The following EYS variants were observed in gnomAD, a reference collection of about 807,000 sequenced individuals.
The protein encoded by EYS is EGF-like photoreceptor maintenance factor.
In EYS, 250 loss-of-function variants were observed where a neutral mutation model predicts 282.1. That is an observed-to-expected ratio of 0.89 (90% CI 0.80 to 0.98). The LOEUF is 0.98. Ranked by LOEUF, EYS falls within the 50% of genes least tolerant of loss-of-function variation. The probability of loss-of-function intolerance (pLI) is 0.00; values close to 1 mark genes in which losing one functional copy is unlikely to be tolerated. For missense variants in EYS, 4,016 were observed against 3,709.0 expected (o/e 1.08, Z -2.15); for synonymous variants, 1,355 against 1,282.9 (o/e 1.06, Z -1.20).
At chr6:64,313,382 G>T (rs1319290276) in intron 29 of EYS, among the ~76,000 whole-genome samples, 1 of 148,096 alleles carries the variant, frequency 6.8e-6, no homozygotes, top group Non-Finnish European at 1.5e-5. Context: ...GTGGGACTAT[G>T]TGAAAATACC....
chr6:65,077,444 T>C (rs368117851), intron 12 of EYS, among the ~76,000 whole-genome samples: 7 of 152,250 alleles, frequency 4.6e-5, no homozygotes, highest in African/African-American at 1.7e-4. Context: ...GAAAACGCTC[T>C]AGGTTTATAA....
chr6:63,893,573 TTGG>T (rs1330854827), intron 35 of EYS, among the ~76,000 whole-genome samples: 8 of 152,026 alleles, frequency 5.3e-5, no homozygotes, highest in Non-Finnish European at 5.9e-5. Context: ...CCAGGGCCTG[TTGG>T]TGGTTGGGGG....
At chr6:64,496,054 T>C (rs891775933) in intron 26 of EYS, among the ~76,000 whole-genome samples, 1 of 151,916 alleles carries the variant, frequency 6.6e-6, no homozygotes. Flanking sequence ...TACTCATTTA[T>C]TTAACACTCA....
intron 2 of EYS, among the ~76,000 whole-genome samples, chr6:65,569,617 G>A (rs563188693): frequency 6.6e-6 from 1 of 152,162 alleles, no homozygotes; most frequent in South Asian, 2.1e-4. Context: ...ATATTCTTCA[G>A]ACTCTGCACT....
In EYS at chr6:64,619,544, T is replaced by C. The variant is rs1343472234; in HGVS notation, c.3569-2011A>G. Among the ~76,000 whole-genome samples the C allele has an allele frequency of 3.3e-5, 5 of 152,216 alleles. No individual in the cohort carries two copies. The East Asian group carries it at 7.7e-4, about 23-fold the overall frequency. On this transcript the variant is annotated intron_variant, in intron 23 of 42. Coordinates refer to ENST00000503581, the MANE Select transcript of EYS (RefSeq NM_001142800.2). ...ATTTGGTCAATTTCAATAGGCCACC[T>C]GTACTTGCTGTCTCTTACTGAAGTT...
rs189686034 is a variant in EYS at position 65,407,287 on chromosome 6, G to A, written c.863-1920C>T. ...ATTTATTTTTTTCAGTCATAGTCTC[G>A]CTGTGTTGCCCAGGCTGGAGTGCAG... On this transcript the variant is annotated intron_variant, in intron 5 of 42. Transcript: ENST00000503581. 3.0e-3 allele frequency among the ~76,000 whole-genome samples: 450 copies of A among 151,622 alleles called. 4 individuals carry two copies. The highest frequency in any genetic ancestry group is 0.01 in the African/African-American group (427 of 41,378).
intron 2 of EYS, among the ~76,000 whole-genome samples, chr6:65,497,341 C>A (rs1468645434): frequency 6.6e-6 from 1 of 151,974 alleles, no homozygotes; most frequent in Non-Finnish European, 1.5e-5. Context: ...AGACATGTAG[C>A]AAGGACATTT....
At chr6:63,767,715 A>G (rs1330973562) in intron 40 of EYS, among the ~76,000 whole-genome samples, 1 of 152,152 alleles carries the variant, frequency 6.6e-6, no homozygotes, top group Non-Finnish European at 1.5e-5. Context: ...TTTTCACAGA[A>G]TTAAAATATT....
intron 16 of EYS, among the ~76,000 whole-genome samples, chr6:64,908,558 C>G (rs1767901359): frequency 6.6e-6 from 1 of 151,768 alleles, no homozygotes; most frequent in Non-Finnish European, 1.5e-5. Context: ...TGAGGTCATG[C>G]AGATGATTGA....
At chr6:64,231,292 C>T (rs1021748755) in intron 30 of EYS, among the ~76,000 whole-genome samples, 4 of 151,968 alleles carry the variant, frequency 2.6e-5, no homozygotes, top group African/African-American at 4.8e-5. Context: ...ATAAATATTC[C>T]CTAATTTTTT....
intron 1 of EYS, among the ~76,000 whole-genome samples, chr6:65,694,744 A>C (rs1165951590): frequency 7.1e-6 from 1 of 141,670 alleles, no homozygotes; most frequent in Non-Finnish European, 1.6e-5. Flanking sequence ...TGTAGATTTA[A>C]AAAAAAAAAA....
chr6:65,686,384 C>T (rs541588901), intron 1 of EYS, among the ~76,000 whole-genome samples: 72 of 152,112 alleles, frequency 4.7e-4, no homozygotes, highest in Middle Eastern at 3.4e-3. Context: ...TATTACAATG[C>T]CATTTTTTAG....
At chr6:64,171,236 A>G (rs948740842) in intron 31 of EYS, among the ~76,000 whole-genome samples, 2 of 152,142 alleles carry the variant, frequency 1.3e-5, no homozygotes, top group African/African-American at 2.4e-5. Context: ...TATACTCTTG[A>G]CTGTTTCTCT....
chr6:65,413,916 A>G lies in EYS; in HGVS notation c.863-8549T>C, dbSNP rs540824943. 1.5e-3 allele frequency among the ~76,000 whole-genome samples: 224 copies of G among 152,176 alleles called. 3 individuals are homozygous for G. Among genetic ancestry groups the G allele is most frequent in the South Asian group, 6.2e-3 (30 of 4,816 alleles). On this transcript the variant is annotated intron_variant, in intron 5 of 42. Transcript: ENST00000503581. ...ACATCTTGTTGTATTTACATTTTTC[A>G]GTTCAGATAATGTTCTAAAATAATA...
intron 36 of EYS, among the ~76,000 whole-genome samples, chr6:63,817,836 T>C (rs888050593): frequency 1.4e-4 from 21 of 152,210 alleles, no homozygotes; most frequent in African/African-American, 5.1e-4. Flanking sequence ...GGTGTGGTGA[T>C]GCAAGTCATC....
At chr6:64,161,338 C>T (rs888267190) in intron 31 of EYS, among the ~76,000 whole-genome samples, 1 of 152,146 alleles carries the variant, frequency 6.6e-6, no homozygotes, top group Non-Finnish European at 1.5e-5. Flanking sequence ...TGAGAACCAG[C>T]AGTTAGGGCA....
chr6:65,129,475 A>C (rs1309748616), intron 12 of EYS, among the ~76,000 whole-genome samples: 1 of 152,056 alleles, frequency 6.6e-6, no homozygotes, highest in Admixed American at 6.6e-5. Flanking sequence ...GGCAAAAATC[A>C]AATAACCCCA....
intron 31 of EYS, among the ~76,000 whole-genome samples, chr6:64,228,038 C>A (rs1766302065): frequency 6.6e-6 from 1 of 152,068 alleles, no homozygotes; most frequent in Admixed American, 6.6e-5. Flanking sequence ...ATCTGGCCAA[C>A]CTGAGTCATG....
chr6:65,411,103 T>G (rs1416556076), intron 5 of EYS, among the ~76,000 whole-genome samples: 1 of 152,072 alleles, frequency 6.6e-6, no homozygotes, highest in Non-Finnish European at 1.5e-5. Context: ...ACAGCAATAC[T>G]TGCCCAGATT....
Sources: gnomAD v4.1 joint callset for allele counts (sites outside exome capture counted in the v4.1 genomes callset) on GRCh38, gnomAD v4.1.1 for gene constraint, MANE v1.5 for transcripts, NCBI Gene and HGNC (gene_info 2026-07-23, HGNC 2026-07-21) for gene names.